The following BPIFB4 variants were observed in gnomAD, a reference collection of about 807,000 sequenced individuals.
The protein encoded by BPIFB4 is BPI fold-containing family B member 4.
BPIFB4 carries 62 observed loss-of-function variants against 69.2 expected under a neutral mutation model. The observed-to-expected ratio is 0.90, with a 90% CI of 0.73 to 1.11. The LOEUF is 1.11. Ranked by LOEUF, BPIFB4 falls within the 50% of genes least tolerant of loss-of-function variation. BPIFB4 has a pLI of 0.00. For missense variants in BPIFB4, 789 were observed against 792.0 expected (o/e 1.00, Z 0.04); for synonymous variants, 330 against 332.7 (o/e 0.99, Z 0.09).
chr20:33,099,811 C>T (rs919713507), intron 13 of BPIFB4, among the ~76,000 whole-genome samples: 1 of 152,180 alleles, frequency 6.6e-6, no homozygotes, highest in African/African-American at 2.4e-5. Context: ...ACTAACATCA[C>T]CTGAATTTCT....
chr20:33,103,087 G>A (rs1981951928), intron 15 of BPIFB4, 73 bp downstream of exon 15: 2 of 1,516,676 alleles, frequency 1.3e-6, no homozygotes, highest in Non-Finnish European at 1.8e-6. Flanking sequence ...CGGGAATGGT[G>A]TTCCTGTGAG....
chr20:33,089,927 T>A (rs769657597), intron 9 of BPIFB4, among the ~76,000 whole-genome samples: 1 of 152,194 alleles, frequency 6.6e-6, no homozygotes, highest in Non-Finnish European at 1.5e-5. Context: ...TTCTCATCTC[T>A]CAAATCTCTC....
intron 6 of BPIFB4, among the ~76,000 whole-genome samples, chr20:33,085,656 G>C (rs1227282602): frequency 6.6e-6 from 1 of 152,182 alleles, no homozygotes; most frequent in Non-Finnish European, 1.5e-5. Context: ...CAAGCAAAAT[G>C]CTTCCTGGAA....
intron 3 of BPIFB4, among the ~76,000 whole-genome samples, chr20:33,081,914 T>A (rs889227103): frequency 3.3e-5 from 5 of 152,260 alleles, no homozygotes; most frequent in African/African-American, 7.2e-5. Flanking sequence ...GTTCAAATCC[T>A]GACTGTGTGA....
Position 33,092,652 on chromosome 20 carries a change from T to C in BPIFB4, c.1338T>C (p.Asn446=), listed in dbSNP as rs1981639070. The C allele has an allele frequency of 1.2e-6, 2 of 1,608,550 alleles. No homozygotes were observed. ...ATGCTCTAGACCTGGATATCACCAA[T>C]GGCATGGTGAGTCACAGCCCCACCA... ...KQHALDLDIT[N]GMFEELPPLT... The change falls in exon 11 of 18, where the codon AAT becomes AAC. Residue 446 remains asparagine, a synonymous_variant. Coordinates refer to ENST00000375483, the MANE Select transcript of BPIFB4 (RefSeq NM_182519.3).
intron 7 of BPIFB4, among the ~76,000 whole-genome samples, chr20:33,087,883 A>G (rs889368367): frequency 2.6e-5 from 4 of 152,120 alleles, no homozygotes; most frequent in African/African-American, 9.7e-5. Context: ...TAGCTTTGGG[A>G]GAAATGTTCT....
rs773639612 is a variant in BPIFB4, at chr20:33,102,970, A to G, written c.1638-2A>G. 26 of 1,613,976 alleles carry G rather than the reference A, an allele frequency of 1.6e-5. No individual in the cohort carries two copies. Among genetic ancestry groups the G allele is most frequent in the Admixed American group, 5.0e-5 (3 of 60,004 alleles). On this transcript the variant is annotated splice_acceptor_variant, in intron 14 of 17. Coordinates refer to ENST00000375483, the MANE Select transcript of BPIFB4 (RefSeq NM_182519.3). LOFTEE classifies it high-confidence loss of function. ...CTCACAGGCTGTTTTCTTCGTCTACAGGACCAGCCTCAACCTCAGAACCTC... is the reference window on the plus strand; with the variant it reads ...CTCACAGGCTGTTTTCTTCGTCTACGGGACCAGCCTCAACCTCAGAACCTC...
intron 7 of BPIFB4, among the ~76,000 whole-genome samples, chr20:33,087,735 C>T (rs113099139): frequency 0.014 from 2,048 of 144,034 alleles, 54 homozygotes; most frequent in African/African-American, 0.05. Context: ...CACACACACA[C>T]ACACACACAC....
chr20:33,091,379 A>C (rs1485257060), intron 10 of BPIFB4, among the ~76,000 whole-genome samples: 1 of 152,252 alleles, frequency 6.6e-6, no homozygotes, highest in Non-Finnish European at 1.5e-5. Flanking sequence ...AGTTGGGAAG[A>C]GATGTGTGAA....
chr20:33,092,497 C>A lies in BPIFB4; in HGVS notation c.1183C>A (p.Pro395Thr). ...GGCTGGAGGAGGACTCATCGACTAC[C>A]CATTGGGGTGGCCAGCTGTGTCTCC... Reference protein sequence around the residue: ...GEAGGGLIDYPLGWPAVSPKP... With the variant: ...GEAGGGLIDYTLGWPAVSPKP... Residue 395 changes from proline (P) to threonine (T), a missense_variant, in exon 11 of 18, where the codon CCA (proline) becomes ACA (threonine). Around this residue, in one of 3 missense-constraint regions of BPIFB4, gnomAD observed 611 missense variants for 575.4 expected, o/e 1.06. Coordinates refer to ENST00000375483, the MANE Select transcript of BPIFB4 (RefSeq NM_182519.3). 6.2e-7 allele frequency: 1 copy of A among 1,614,100 alleles called. No individual in the cohort carries two copies.
chr20:33,109,787 A>G (rs1480421511), intron 17 of BPIFB4, among the ~76,000 whole-genome samples: 1 of 152,218 alleles, frequency 6.6e-6, no homozygotes, highest in Non-Finnish European at 1.5e-5. Flanking sequence ...TAAGGGAGAT[A>G]ACACAAATGC....
At chr20:33,111,226 G>A (rs926790305) in intron 17 of BPIFB4, among the ~76,000 whole-genome samples, 188 bp from the exon 18 acceptor site, 4 of 152,120 alleles carry the variant, frequency 2.6e-5, no homozygotes, top group Non-Finnish European at 5.9e-5. Context: ...CTTGCCCAAG[G>A]TCCTCTGCAC....
Position 33,083,455 on chromosome 20 carries a change from G to T in BPIFB4, c.258G>T (p.Gln86His). 6.2e-7 allele frequency: 1 copy of T among 1,613,886 alleles called. No homozygotes were observed. The highest frequency in any genetic ancestry group is 8.5e-7 in the Non-Finnish European group (1 of 1,179,928). ...GCAAAAAACTTGATGGTATTTACCAGTATGGTCACATTGAGACCAACGACA... is the reference window on the plus strand; with the variant it reads ...GCAAAAAACTTGATGGTATTTACCATTATGGTCACATTGAGACCAACGACA... ...TNGKKLDGIY[Q>H]YGHIETNDNT... is the part of the protein sequence containing the mutation. Residue 86 changes from glutamine (Q) to histidine (H), a missense_variant, in exon 5 of 18, where the codon CAG (glutamine) becomes CAT (histidine). Physicochemically the swap from Gln to His is conservative, Grantham distance 24. Transcript: ENST00000375483.
intron 17 of BPIFB4, 49 bp downstream of exon 17, chr20:33,107,869 C>A: frequency 6.6e-7 from 1 of 1,522,464 alleles, no homozygotes; most frequent in South Asian, 1.1e-5. Flanking sequence ...GCCCTTTGCT[C>A]ATCACCTTTG....
At chr20:33,084,147 G>A (rs1278983322) in intron 5 of BPIFB4, among the ~76,000 whole-genome samples, 1 of 152,166 alleles carries the variant, frequency 6.6e-6, no homozygotes, top group Non-Finnish European at 1.5e-5. Context: ...TTCCTCATCT[G>A]TAGAATGGTC....
Position 33,083,545 on chromosome 20 carries a change from GGACCTCC to G in BPIFB4, c.351_357del (p.Asp117GlufsTer114). On this transcript the variant is annotated frameshift_variant, in exon 5 of 18. Coordinates refer to ENST00000375483, the MANE Select transcript of BPIFB4 (RefSeq NM_182519.3). LOFTEE classifies it high-confidence loss of function. ...TCCTTGAGTCCGAGGGAAGCATCAGGGACCTCCGAAACAGTGGCTATCGCAGTGCCGA... is the reference window on the plus strand; with the variant it reads ...TCCTTGAGTCCGAGGGAAGCATCAGGGAAACAGTGGCTATCGCAGTGCCGA... The G allele has an allele frequency of 6.2e-7, 1 of 1,614,060 alleles. No individual in the cohort carries two copies. The highest frequency in any genetic ancestry group is 8.5e-7 in the Non-Finnish European group (1 of 1,179,998).
At chr20:33,090,501 G>C (rs878888429) in intron 9 of BPIFB4, among the ~76,000 whole-genome samples, 1 of 152,230 alleles carries the variant, frequency 6.6e-6, no homozygotes, top group African/African-American at 2.4e-5. Context: ...GGAGGCAACT[G>C]AGGTTCAAAG....
At chr20:33,083,026 G>A in intron 4 of BPIFB4, 26 bp downstream of exon 4, 1 of 1,576,622 alleles carries the variant, frequency 6.3e-7, no homozygotes, top group Admixed American at 1.7e-5. Context: ...ATGGTGGTGG[G>A]CCTCTCCTGG....
At chr20:33,100,541 A>G in intron 14 of BPIFB4, 48 bp downstream of exon 14, 1 of 1,526,780 alleles carries the variant, frequency 6.5e-7, no homozygotes, top group Non-Finnish European at 9.1e-7. Context: ...GGTGCTGCTC[A>G]TGGAGGAGCC....
Sources: allele counts gnomAD v4.1 joint callset (sites outside exome capture counted in the v4.1 genomes callset), GRCh38; gene constraint gnomAD v4.1.1; regional missense constraint gnomAD v4.1.1; transcripts MANE v1.5; gene names NCBI Gene and HGNC (gene_info 2026-07-23, HGNC 2026-07-21).